The following MBOAT2 variants were observed in gnomAD, a reference collection of about 807,000 sequenced individuals.
MBOAT2 encodes the protein membrane bound glycerophospholipid O-acyltransferase 2.
Under a neutral mutation model 63.4 loss-of-function variants are expected in MBOAT2, and 28 were observed. The ratio of observed to expected loss-of-function variants is 0.44; its 90% CI spans 0.33 to 0.61. The LOEUF is 0.61. Among genes scored for constraint, MBOAT2 ranks in the 20% least tolerant of loss-of-function variants. The pLI, the probability that MBOAT2 is intolerant of heterozygous loss-of-function variation, is 0.03. For missense variants in MBOAT2, 470 were observed against 605.8 expected (o/e 0.78, Z 2.35); for synonymous variants, 211 against 215.6 (o/e 0.98, Z 0.19).
Position 8,858,658 on chromosome 2 carries a change from C to A in MBOAT2, c.*21G>T, listed in dbSNP as rs777469551. 107 of 1,393,050 alleles carry A rather than the reference C, an allele frequency of 7.7e-5. No individual in the cohort carries two copies. The East Asian group carries it at 1.0e-3, about 14-fold the overall frequency. The allele number at this position is 1,393,050 out of a possible 1,614,324, so 86.3% of individuals were successfully genotyped here. ...TTCTGTTAACATCAAAAAAAAAAAACAGCCCTCAGAGCCTTCCCGATCACT... is the reference window on the plus strand; with the variant it reads ...TTCTGTTAACATCAAAAAAAAAAAAAAGCCCTCAGAGCCTTCCCGATCACT... On this transcript the variant is annotated 3_prime_UTR_variant, in exon 13 of 13. Coordinates refer to ENST00000305997, the MANE Select transcript of MBOAT2 (RefSeq NM_138799.4).
rs1672813983 is a variant in MBOAT2, at chr2:9,003,006, G to C, written c.75+534C>G. ...GTCCCCAAAGTGCAGTAGCGCTTAA[G>C]CCTCTCCGGGCCCCTAGCACCCATC... On this transcript the variant is annotated intron_variant, in intron 1 of 12. Coordinates refer to ENST00000305997, the MANE Select transcript of MBOAT2 (RefSeq NM_138799.4). This position sits in a 1 kb window ranked among gnomAD's most constrained non-coding sequence, Gnocchi z 5.4. 6.6e-6 allele frequency among the ~76,000 whole-genome samples: 1 copy of C among 152,112 alleles called. No homozygotes were observed. Among genetic ancestry groups the C allele is most frequent in the African/African-American group, 2.4e-5 (1 of 41,428 alleles).
intron 3 of MBOAT2, among the ~76,000 whole-genome samples, chr2:8,912,355 AAGAAAGAAAGAAAGAAAG>A (rs1665811482): frequency 5.3e-5 from 5 of 93,932 alleles, no homozygotes; most frequent in South Asian, 3.6e-4. Flanking sequence ...AAGAAAGAGA[AAGAAAGAAAGAAAGAAAG>A]AGAAAGAAAG....
At chr2:8,914,993 C>T (rs1666056858) in intron 3 of MBOAT2, among the ~76,000 whole-genome samples, 1 of 121,760 alleles carries the variant, frequency 8.2e-6, no homozygotes, top group South Asian at 2.7e-4. Flanking sequence ...GGCTGCAGTG[C>T]AGTGGCGCAA....
At chr2:8,995,402 A>T (rs1672214999) in intron 1 of MBOAT2, among the ~76,000 whole-genome samples, 1 of 152,204 alleles carries the variant, frequency 6.6e-6, no homozygotes, top group African/African-American at 2.4e-5. Context: ...ACAGGACTGA[A>T]GGGAGATGTG....
intron 8 of MBOAT2, among the ~76,000 whole-genome samples, chr2:8,868,941 A>G (rs1662106864): frequency 2.0e-5 from 3 of 152,216 alleles, no homozygotes; most frequent in African/African-American, 7.2e-5. Flanking sequence ...CTTTTTAATC[A>G]TATATTTGAA....
chr2:8,977,945 C>T (rs73157452), intron 1 of MBOAT2, among the ~76,000 whole-genome samples: 358 of 152,172 alleles, frequency 2.4e-3, no homozygotes, highest in African/African-American at 8.2e-3. Flanking sequence ...AAAGCTGGCC[C>T]GGACTCTGTC....
At chr2:8,983,441 T>A (rs1028606278) in intron 1 of MBOAT2, among the ~76,000 whole-genome samples, 1 of 152,182 alleles carries the variant, frequency 6.6e-6, no homozygotes, top group Admixed American at 6.5e-5. Context: ...TAGGCCCAGA[T>A]GGTTTTACTG....
chr2:8,882,415 C>T, intron 6 of MBOAT2, 96 bp downstream of exon 6: 1 of 1,188,542 alleles, frequency 8.4e-7, no homozygotes. Flanking sequence ...GAAGTAAGTA[C>T]CTCTAGAAGG....
At chr2:8,918,961 T>C (rs2148605648) in intron 3 of MBOAT2, among the ~76,000 whole-genome samples, 1 of 152,334 alleles carries the variant, frequency 6.6e-6, no homozygotes, top group Non-Finnish European at 1.5e-5. Flanking sequence ...TTTCTGTCTC[T>C]AGATCTGTCT....
In MBOAT2 at chr2:8,868,463, T is replaced by G; in HGVS notation, c.970A>C (p.Arg324=). ...AARWDLISNL[R]IQQIEMSTSF... ...TGACTCACCTCTATTTGTTGAATTC[T>G]CAAATTGGAAATTAAGTCCCAGCGA... Residue 324 remains arginine, a synonymous_variant, in exon 9 of 13, where the codon AGA becomes CGA. Transcript: ENST00000305997. 6.2e-7 allele frequency: 1 copy of G among 1,613,940 alleles called. No homozygotes were observed. Among genetic ancestry groups the G allele is most frequent in the Non-Finnish European group, 8.5e-7 (1 of 1,179,906 alleles).
intron 3 of MBOAT2, among the ~76,000 whole-genome samples, chr2:8,921,518 C>A (rs552428956): frequency 3.3e-5 from 5 of 152,146 alleles, no homozygotes; most frequent in Admixed American, 2.6e-4. Flanking sequence ...TATTTACCCA[C>A]CTATTTACCA....
Position 8,895,091 on chromosome 2 carries a change from G to A in MBOAT2, c.396-7018C>T, listed in dbSNP as rs186447084. Among the ~76,000 whole-genome samples, 927 of 152,388 alleles carry A rather than the reference G, an allele frequency of 6.1e-3. 8 individuals carry two copies. Among genetic ancestry groups the A allele is most frequent in the Admixed American group, 0.017 (266 of 15,306 alleles). On this transcript the variant is annotated intron_variant, in intron 4 of 12. Coordinates refer to ENST00000305997, the MANE Select transcript of MBOAT2 (RefSeq NM_138799.4). ...GTGGGGACCCAAAGAGTGAGCAGCA[G>A]CAAGATTTATTGTGAAGAGCAAAAG...
chr2:8,952,142 G>T lies in MBOAT2; in HGVS notation c.221+6355C>A, dbSNP rs574647713. Among the ~76,000 whole-genome samples the T allele has an allele frequency of 3.3e-5, 5 of 152,252 alleles. No individual in the cohort carries two copies. The East Asian group carries it at 9.6e-4, about 29-fold the overall frequency. Reference sequence around the variant, plus strand: ...TGTCTCTGTTTTCATTTATTTCAAAGAATTTTTATGCTTCTGCTTTGATTT... The same window carrying T: ...TGTCTCTGTTTTCATTTATTTCAAATAATTTTTATGCTTCTGCTTTGATTT... On this transcript the variant is annotated intron_variant, in intron 2 of 12. Transcript: ENST00000305997.
Position 8,862,457 on chromosome 2 carries a change from C to T in MBOAT2, c.1185+133G>A, listed in dbSNP as rs1661562535. 3.0e-6 allele frequency: 4 copies of T among 1,332,656 alleles called. No individual in the cohort carries two copies. The highest frequency in any genetic ancestry group is 3.1e-6 in the Non-Finnish European group (3 of 972,286). The allele number at this position is 1,332,656 out of a possible 1,614,324, so 82.6% of individuals were successfully genotyped here. A position where few individuals can be genotyped will look rare whatever the true frequency, so the allele number is the denominator to read the frequency against. The stretch of plus-strand genomic sequence containing the variant: ...CAGCAAACATGCACGCAGTACACAC[C>T]TCGCTTCTAGTGGAAAGGACAATAC... On this transcript the variant is annotated intron_variant, in intron 11 of 12. Coordinates refer to ENST00000305997, the MANE Select transcript of MBOAT2 (RefSeq NM_138799.4). This position sits in a 1 kb window ranked among gnomAD's most constrained non-coding sequence, Gnocchi z 4.3.
At chr2:8,884,418 G>A (rs1449713044) in intron 5 of MBOAT2, among the ~76,000 whole-genome samples, 3 of 150,384 alleles carry the variant, frequency 2.0e-5, no homozygotes, top group Non-Finnish European at 4.4e-5. Flanking sequence ...CCAAAAAAGG[G>A]TAATTCCTAC....
chr2:8,858,900 A>C lies in MBOAT2; in HGVS notation c.1342T>G (p.Trp448Gly). ...IKPSLTFYSSWYYCLHILGIL... is the reference protein window; with the variant it reads ...IKPSLTFYSSGYYCLHILGIL... ...CCAAGAATGTGCAGGCAATAATACC[A>C]GGAGCTAAAAGAAAAAGGGAAAAAG... Residue 448 changes from tryptophan (W) to glycine (G), a missense_variant, in exon 13 of 13, where the codon TGG becomes GGG. By Grantham distance (184) the Trp-to-Gly change is radical. Transcript: ENST00000305997. The C allele has an allele frequency of 1.9e-6, 3 of 1,593,170 alleles. No homozygotes were observed. Among genetic ancestry groups the C allele is most frequent in the Non-Finnish European group, 2.6e-6 (3 of 1,171,028 alleles).
At chr2:8,908,348 T>A (rs897398057) in intron 4 of MBOAT2, 7 of 291,426 alleles carry the variant, frequency 2.4e-5, no homozygotes, top group Non-Finnish European at 4.4e-5. Flanking sequence ...CTTGAGCGCC[T>A]TCTCTAGGAA....
At chr2:8,950,689 A>T (rs1046393833) in intron 2 of MBOAT2, among the ~76,000 whole-genome samples, 1 of 152,054 alleles carries the variant, frequency 6.6e-6, no homozygotes, top group Non-Finnish European at 1.5e-5. Flanking sequence ...GGCCTCCCAA[A>T]GTGCTGGGAT....
chr2:8,865,784 C>T (rs905157511), intron 9 of MBOAT2, among the ~76,000 whole-genome samples: 1 of 152,186 alleles, frequency 6.6e-6, no homozygotes, highest in African/African-American at 2.4e-5. Context: ...TGCCAGTAAT[C>T]CCAGCCCTTT....
Sources: gnomAD v4.1 joint callset for allele counts (sites outside exome capture counted in the v4.1 genomes callset) on GRCh38, gnomAD v4.1.1 for gene constraint, Gnocchi (gnomAD v3.1) non-coding constraint, MANE v1.5 for transcripts, NCBI Gene and HGNC (gene_info 2026-07-23, HGNC 2026-07-21) for gene names.